The following MYH10 variants were observed in gnomAD, a reference collection of about 807,000 sequenced individuals.
The protein encoded by MYH10 is myosin heavy chain 10.
Under a neutral mutation model 257.8 loss-of-function variants are expected in MYH10, and 55 were observed. The ratio of observed to expected loss-of-function variants is 0.21; its 90% CI spans 0.17 to 0.27. The LOEUF is 0.27. Among genes scored for constraint, MYH10 ranks in the 10% least tolerant of loss-of-function variants. MYH10 has a pLI of 1.00. For missense variants in MYH10, 1,631 were observed against 2,500.6 expected (o/e 0.65, Z 7.42); for synonymous variants, 854 against 921.7 (o/e 0.93, Z 1.33).
rs116048029 is a variant in MYH10, at chr17:8,514,687, C to T, written c.2505-793G>A. Among the ~76,000 whole-genome samples, 383 of 152,042 alleles carry T rather than the reference C, an allele frequency of 2.5e-3. 4 individuals carry two copies. Among genetic ancestry groups the T allele is most frequent in the African/African-American group, 8.8e-3 (364 of 41,444 alleles). ...GAAGCTCATTACCTTGCGGTTCCTT[C>T]GACAGACAACTGACATTTTTCTACT... On this transcript the variant is annotated intron_variant, in intron 21 of 42. Transcript: ENST00000360416.
At chr17:8,539,590 ATTCTT>A (rs2082238040) in intron 14 of MYH10, among the ~76,000 whole-genome samples, 1 of 151,966 alleles carries the variant, frequency 6.6e-6, no homozygotes, top group African/African-American at 2.4e-5. Context: ...GATTTAATAA[ATTCTT>A]TTCTTTTTTT....
At chr17:8,578,383 T>C (rs939148622) in intron 4 of MYH10, among the ~76,000 whole-genome samples, 1 of 151,848 alleles carries the variant, frequency 6.6e-6, no homozygotes, top group Admixed American at 6.6e-5. Flanking sequence ...GCTAGGACCA[T>C]AGGCACACGC....
intron 42 of MYH10, among the ~76,000 whole-genome samples, chr17:8,476,342 C>T (rs112500432): frequency 6.6e-6 from 1 of 152,224 alleles, no homozygotes; most frequent in South Asian, 2.1e-4. Context: ...AATGTAGAAA[C>T]CATGCTTAGT....
intron 1 of MYH10, among the ~76,000 whole-genome samples, chr17:8,627,544 A>G (rs2085730401): frequency 6.6e-6 from 1 of 152,126 alleles, no homozygotes; most frequent in Non-Finnish European, 1.5e-5. Flanking sequence ...TGCAGCTGTT[A>G]AGTGTTCATA....
intron 17 of MYH10, among the ~76,000 whole-genome samples, chr17:8,529,011 A>G (rs954190703): frequency 2.0e-5 from 3 of 152,184 alleles, no homozygotes; most frequent in African/African-American, 7.2e-5. Flanking sequence ...AGGTGAGGGT[A>G]CAGTGAGGGG....
At chr17:8,501,127 T>C (rs191187327) in intron 28 of MYH10, among the ~76,000 whole-genome samples, 157 bp from the exon 29 acceptor site, 149 of 152,306 alleles carry the variant, frequency 9.8e-4, no homozygotes, top group Non-Finnish European at 1.7e-3. Context: ...GGTCTATTAC[T>C]GTGATATCAG....
chr17:8,480,928 CAAA>C lies in MYH10; in HGVS notation c.5264+391_5264+393del, dbSNP rs1913644952. Among the ~76,000 whole-genome samples, 3 of 2,646 alleles carry C rather than the reference CAAA, an allele frequency of 1.1e-3. No individual in the cohort carries two copies. In the South Asian group the frequency reaches 0.065, roughly 58 times the overall value. The allele number at this position is 2,646 out of a possible 152,430, so 1.7% of individuals were successfully genotyped here. On this transcript the variant is annotated intron_variant, in intron 38 of 42. Coordinates refer to ENST00000360416, the MANE Select transcript of MYH10 (RefSeq NM_001256012.3). Reference sequence around the variant, plus strand: ...TTCTAACTACTCATGATGGCATGCTCAAAAAGGCGCATGATGGACGTTCAGTTC... The same window carrying C: ...TTCTAACTACTCATGATGGCATGCTCAAGGCGCATGATGGACGTTCAGTTC...
chr17:8,627,451 T>C (rs1167314263), intron 1 of MYH10, among the ~76,000 whole-genome samples: 1 of 152,222 alleles, frequency 6.6e-6, no homozygotes, highest in African/African-American at 2.4e-5. Flanking sequence ...AATGTGGCAA[T>C]TTAATCCTTT....
chr17:8,558,575 C>G (rs1397857454), intron 7 of MYH10, among the ~76,000 whole-genome samples: 1 of 152,210 alleles, frequency 6.6e-6, no homozygotes, highest in African/African-American at 2.4e-5. Flanking sequence ...ATTTCAACTT[C>G]TAAGTTGTAA....
At chr17:8,578,193 G>A (rs1310275682) in intron 4 of MYH10, among the ~76,000 whole-genome samples, 1 of 151,718 alleles carries the variant, frequency 6.6e-6, no homozygotes, top group African/African-American at 2.4e-5. Flanking sequence ...GATGGCAGGG[G>A]CTATAGCCTC....
chr17:8,578,318 T>C (rs1360651232), intron 4 of MYH10, among the ~76,000 whole-genome samples: 1 of 148,586 alleles, frequency 6.7e-6, no homozygotes, highest in Non-Finnish European at 1.5e-5. Flanking sequence ...TCTCGGCTCA[T>C]TACAACCTCT....
chr17:8,602,845 A>G (rs2084662201), intron 3 of MYH10, among the ~76,000 whole-genome samples: 1 of 152,230 alleles, frequency 6.6e-6, no homozygotes, highest in Middle Eastern at 3.2e-3. Flanking sequence ...TATTTACTTT[A>G]CAAGCTTGTC....
At chr17:8,591,651 C>T (rs1487656882) in intron 3 of MYH10, among the ~76,000 whole-genome samples, 1 of 151,962 alleles carries the variant, frequency 6.6e-6, no homozygotes, top group African/African-American at 2.4e-5. Context: ...ATCGAATTGC[C>T]TCCTAATTCA....
rs1286007437 is a variant in MYH10, at chr17:8,513,689, T to G, written c.2614-20A>C. 1.8e-5 allele frequency: 4 copies of G among 218,772 alleles called. No homozygotes were observed. Among genetic ancestry groups the G allele is most frequent in the Admixed American group, 1.4e-4 (2 of 13,876 alleles). The allele number at this position is 218,772 out of a possible 1,614,324, so 13.6% of individuals were successfully genotyped here. On this transcript the variant is annotated intron_variant, in intron 22 of 42. Coordinates refer to ENST00000360416, the MANE Select transcript of MYH10 (RefSeq NM_001256012.3). Reference sequence around the variant, plus strand: ...CTTCACCTATGACAAAATTAAGCAGTTTTTTTTTTTTTATCATTCCAGCTC... The same window carrying G: ...CTTCACCTATGACAAAATTAAGCAGGTTTTTTTTTTTTATCATTCCAGCTC...
rs965625343 is a variant in MYH10, at chr17:8,552,575, A to C, written c.821-431T>G. Among the ~76,000 whole-genome samples, 2 of 152,228 alleles carry C rather than the reference A, an allele frequency of 1.3e-5. No homozygotes were observed. Among genetic ancestry groups the C allele is most frequent in the Admixed American group, 1.3e-4 (2 of 15,286 alleles). ...TAAATAAGGAAGCCATGGTATAAGG[A>C]AATTAGTCAAAATAATATAGTTAAT... On this transcript the variant is annotated intron_variant, in intron 8 of 42. Coordinates refer to ENST00000360416, the MANE Select transcript of MYH10 (RefSeq NM_001256012.3). The surrounding 1 kb of genome is among the most constrained non-coding windows in gnomAD (Gnocchi z 4.8).
rs1215266089 is a variant in MYH10, at chr17:8,498,772, C to T, written c.3951+498G>A. Among the ~76,000 whole-genome samples the T allele has an allele frequency of 5.9e-5, 9 of 151,468 alleles. No homozygotes were observed. The South Asian group carries it at 1.0e-3, about 17-fold the overall frequency. ...CTGAGGCAGGAGAATAGTGTGAACC[C>T]GGGAGACAGAGGGTGCAGTGAGCAG... On this transcript the variant is annotated intron_variant, in intron 30 of 42. Coordinates refer to ENST00000360416, the MANE Select transcript of MYH10 (RefSeq NM_001256012.3).
chr17:8,597,357 G>C (rs2084416405), intron 3 of MYH10, among the ~76,000 whole-genome samples: 1 of 150,820 alleles, frequency 6.6e-6, no homozygotes, highest in Non-Finnish European at 1.5e-5. Context: ...AAGAAAGAAA[G>C]AAAAAGAATA....
intron 3 of MYH10, among the ~76,000 whole-genome samples, chr17:8,596,316 C>A (rs1264302369): frequency 6.6e-6 from 1 of 151,996 alleles, no homozygotes. Context: ...CCACGCCCAG[C>A]TAATTCTTTT....
At chr17:8,511,071 T>TATAAAC (rs1336387130) in intron 24 of MYH10, 5 of 82,332 alleles carry the variant, frequency 6.1e-5, no homozygotes, top group African/African-American at 3.5e-4. Context: ...CACACATACA[T>TATAAAC]ACATACACAC....
Sources: gnomAD v4.1 joint callset for allele counts (sites outside exome capture counted in the v4.1 genomes callset) on GRCh38, gnomAD v4.1.1 for gene constraint, Gnocchi (gnomAD v3.1) non-coding constraint, MANE v1.5 for transcripts, NCBI Gene and HGNC (gene_info 2026-07-23, HGNC 2026-07-21) for gene names.